The following ZNF544 variants were observed in gnomAD, a reference collection of about 807,000 sequenced individuals.
ZNF544 encodes the protein zinc finger protein 544, also known as zinc finger protein AF020591.
Under a neutral mutation model 13.5 loss-of-function variants are expected in ZNF544, and 10 were observed. The ratio of observed to expected loss-of-function variants is 0.74; its 90% CI spans 0.46 to 1.25. ZNF544 has a LOEUF of 1.25. Ranked by LOEUF, ZNF544 falls within the 50% of genes most tolerant of loss-of-function variation. The pLI is 0.00. For synonymous variants in ZNF544, 323 were observed against 300.5 expected (o/e 1.07, Z -0.77); for missense variants, 896 against 845.6 (o/e 1.06, Z -0.74).
chr19:58,237,942 T>C (rs1419752906), intron 3 of ZNF544, among the ~76,000 whole-genome samples: 1 of 151,820 alleles, frequency 6.6e-6, no homozygotes, highest in Non-Finnish European at 1.5e-5. Flanking sequence ...CTGTGGGGAG[T>C]GTCTGGAGAT....
chr19:58,270,148 A>G (rs1280718457), intron 5 of ZNF544, among the ~76,000 whole-genome samples: 2 of 152,172 alleles, frequency 1.3e-5, no homozygotes, highest in Non-Finnish European at 2.9e-5. Context: ...AACTTTAGAA[A>G]GTAGTGTTCA....
At chr19:58,254,460 G>C (rs1249515594) in intron 6 of ZNF544, among the ~76,000 whole-genome samples, 1 of 152,220 alleles carries the variant, frequency 6.6e-6, no homozygotes, top group Non-Finnish European at 1.5e-5. Context: ...GTCTGTAAGA[G>C]AGAAAATCCT....
intron 3 of ZNF544, among the ~76,000 whole-genome samples, chr19:58,236,726 ATG>A (rs1288474165): frequency 6.7e-6 from 1 of 149,976 alleles, no homozygotes; most frequent in Non-Finnish European, 1.5e-5. Flanking sequence ...ATTTGTGTGT[ATG>A]TATCATTCTG....
chr19:58,266,384 A>G (rs1003964921), downstream of ZNF544, among the ~76,000 whole-genome samples: 4 of 151,600 alleles, frequency 2.6e-5, no homozygotes, highest in East Asian at 1.9e-4. Context: ...GTGTGGTGGC[A>G]GGTGCCTGTA....
In ZNF544 at chr19:58,244,972, G is replaced by A. The variant is rs113811799; in HGVS notation, c.33+916G>A. Among the ~76,000 whole-genome samples, 633 of 142,686 alleles carry A rather than the reference G, an allele frequency of 4.4e-3. 6 individuals are homozygous for A. Among genetic ancestry groups the A allele is most frequent in the African/African-American group, 0.015 (573 of 38,480 alleles). The allele number at this position is 142,686 out of a possible 152,430, so 93.6% of individuals were successfully genotyped here. A position where few individuals can be genotyped will look rare whatever the true frequency, so the allele number is the denominator to read the frequency against. On this transcript the variant is annotated intron_variant, in intron 4 of 6. Transcript: ENST00000687789. ...AATCACCATTTTTTTTTTTTGAAAC[G>A]GAGTCTCGCTCTGTTGCCCAGGCTG...
chr19:58,274,590 GTTTAAGCCACCCCA>G (rs1243468654), intron 5 of ZNF544, among the ~76,000 whole-genome samples: 1 of 152,060 alleles, frequency 6.6e-6, no homozygotes, highest in Non-Finnish European at 1.5e-5. Context: ...AATTTATGTC[GTTTAAGCCACCCCA>G]TTTGTGGTAT....
At chr19:58,265,902 G>A (rs1029464599), downstream of ZNF544, among the ~76,000 whole-genome samples, 6 of 151,670 alleles carry the variant, frequency 4.0e-5, no homozygotes, top group African/African-American at 1.5e-4. Context: ...GCACATTTAA[G>A]CAGGATAAGA....
At chr19:58,237,786 T>C (rs1228219248) in intron 3 of ZNF544, among the ~76,000 whole-genome samples, 1 of 152,184 alleles carries the variant, frequency 6.6e-6, no homozygotes, top group Non-Finnish European at 1.5e-5. Context: ...GCATGGCCAG[T>C]ATTCGGCATG....
At chr19:58,253,514 C>T (rs928877933) in intron 6 of ZNF544, among the ~76,000 whole-genome samples, 4 of 152,256 alleles carry the variant, frequency 2.6e-5, no homozygotes, top group African/African-American at 9.6e-5. Context: ...TCTCAGCTCA[C>T]TGCAACCTTC....
downstream of ZNF544, chr19:58,263,701 C>A: frequency 1.9e-6 from 1 of 515,140 alleles, no homozygotes; most frequent in Non-Finnish European, 2.5e-6. Context: ...TGGCTCATGC[C>A]TGTAATCCCA....
rs6510127 is a variant in ZNF544, at chr19:58,249,664, T to A, written c.244+2870T>A. The stretch of plus-strand genomic sequence containing the variant: ...TTTGGGTGGCATTTGTTACTAATCC[T>A]CATTGTTCGGCATAAAAACAGCATT... On this transcript the variant is annotated intron_variant, in intron 6 of 6. Transcript: ENST00000687789. 7.8e-3 allele frequency among the ~76,000 whole-genome samples: 1,184 copies of A among 152,262 alleles called. 13 individuals are homozygous for A. Among genetic ancestry groups the A allele is most frequent in the African/African-American group, 0.027 (1,123 of 41,532 alleles).
At chr19:58,253,379 T>C (rs896923394) in intron 6 of ZNF544, among the ~76,000 whole-genome samples, 1 of 152,222 alleles carries the variant, frequency 6.6e-6, no homozygotes, top group Non-Finnish European at 1.5e-5. Context: ...CAAAGTTAAA[T>C]ACACAGGTAT....
In ZNF544 at chr19:58,262,981, T is replaced by C; in HGVS notation, c.*227T>C. 1 of 1,356,702 alleles carries C rather than the reference T, an allele frequency of 7.4e-7. No individual in the cohort carries two copies. Among genetic ancestry groups the C allele is most frequent in the Non-Finnish European group, 9.5e-7 (1 of 1,055,556 alleles). The allele number at this position is 1,356,702 out of a possible 1,614,324, so 84.0% of individuals were successfully genotyped here. A position where few individuals can be genotyped will look rare whatever the true frequency, so the allele number is the denominator to read the frequency against. ...TTAGTAAACACGAGAGGACACACAC[T>C]GGAGGCAAACCCTATGAATGTGACC... On this transcript the variant is annotated 3_prime_UTR_variant, in exon 7 of 7. Transcript: ENST00000687789.
chr19:58,232,151 G>C (rs2041376229), intron 3 of ZNF544, among the ~76,000 whole-genome samples: 1 of 152,034 alleles, frequency 6.6e-6, no homozygotes, highest in African/African-American at 2.4e-5. Context: ...CTCTGTTTTA[G>C]TAGACACTTT....
rs543059106 is a variant in ZNF544 at position 58,243,855 on chromosome 19, G to C, written c.-59-110G>C. Reference sequence around the variant, plus strand: ...GTCCCCAGGCGTGAGGCCCATTCCCGCACCTGGGAAGCCCTGCTTGTGGCC... The same window carrying C: ...GTCCCCAGGCGTGAGGCCCATTCCCCCACCTGGGAAGCCCTGCTTGTGGCC... On this transcript the variant is annotated intron_variant, in intron 3 of 6. Coordinates refer to ENST00000687789, the MANE Select transcript of ZNF544 (RefSeq NM_014480.4). 1.4e-4 allele frequency: 116 copies of C among 829,130 alleles called. No homozygotes were observed. The African/African-American group carries it at 2.0e-3, about 14-fold the overall frequency. 51.4% of individuals were successfully genotyped at this position (829,130 alleles called of 1,614,324 possible).
downstream of ZNF544, among the ~76,000 whole-genome samples, chr19:58,267,422 C>T (rs545223354): frequency 4.7e-5 from 7 of 148,346 alleles, no homozygotes; most frequent in East Asian, 1.1e-3. Flanking sequence ...GTTACAAGGC[C>T]GGGTGTGGTG....
downstream of ZNF544, among the ~76,000 whole-genome samples, chr19:58,265,323 T>C (rs1297738726): frequency 6.7e-6 from 1 of 149,802 alleles, no homozygotes; most frequent in African/African-American, 2.5e-5. Context: ...TTTAAGACAG[T>C]CTCACTCTGT....
chr19:58,246,316 G>A lies in ZNF544; in HGVS notation c.49G>A (p.Glu17Lys), dbSNP rs1470858970. Residue 17 changes from glutamate (E) to lysine (K), a missense_variant, in exon 5 of 7, where the codon GAG becomes AAG. Coordinates refer to ENST00000687789, the MANE Select transcript of ZNF544 (RefSeq NM_014480.4). ...CCTGTTTCAGGCATCTGTGTGCTTCGAGGATGTGGCTATGGCATTCACACA... is the reference window on the plus strand; with the variant it reads ...CCTGTTTCAGGCATCTGTGTGCTTCAAGGATGTGGCTATGGCATTCACACA... ...LVPPQASVCF[E>K]DVAMAFTQEE... 6 of 1,614,032 alleles carry A rather than the reference G, an allele frequency of 3.7e-6. No individual in the cohort carries two copies. Among genetic ancestry groups the A allele is most frequent in the Middle Eastern group, 1.7e-4 (1 of 6,060 alleles).
At chr19:58,253,117 C>A (rs1324763942) in intron 6 of ZNF544, among the ~76,000 whole-genome samples, 1 of 152,210 alleles carries the variant, frequency 6.6e-6, no homozygotes, top group Non-Finnish European at 1.5e-5. Context: ...CGCACCCAAC[C>A]CATAATCCTT....
Sources: gnomAD v4.1 joint callset for allele counts (sites outside exome capture counted in the v4.1 genomes callset) on GRCh38, gnomAD v4.1.1 for gene constraint, MANE v1.5 for transcripts, NCBI Gene and HGNC (gene_info 2026-07-23, HGNC 2026-07-21) for gene names.